KCNK13: variants seen among roughly 807,000 people sequenced by gnomAD.
KCNK13 encodes potassium two pore domain channel subfamily K member 13, also known as potassium channel subfamily K member 13.
KCNK13 carries 12 observed loss-of-function variants against 23.4 expected under a neutral mutation model. That is an observed-to-expected ratio of 0.51 (90% CI 0.33 to 0.83). The LOEUF is 0.83. Among genes scored for constraint, KCNK13 ranks in the 40% least tolerant of loss-of-function variants. The probability of loss-of-function intolerance (pLI) is 0.02; values close to 1 mark genes in which losing one functional copy is unlikely to be tolerated. For missense variants in KCNK13, 463 were observed against 556.3 expected, an observed-to-expected ratio of 0.83 and a Z score of 1.69; for synonymous variants, 231 against 229.5, an observed-to-expected ratio of 1.01 and a Z score of -0.06.
In KCNK13 at chr14:90,136,878, C is replaced by T. The variant is rs555171802; in HGVS notation, c.335-47233C>T. Among the ~76,000 whole-genome samples, 17 of 152,210 alleles carry T rather than the reference C, an allele frequency of 1.1e-4. No homozygotes were observed. The East Asian group carries it at 2.9e-3, about 26-fold the overall frequency. ...TTTGGATGGCAAAAGGTTACCCCCA[C>T]GAAGGTCTTTAAAGTCTCAAGGTGA... On this transcript the variant is annotated intron_variant, in intron 1 of 1. Transcript: ENST00000282146.
At chr14:90,092,064 GGT>G (rs1566949981) in intron 1 of KCNK13, among the ~76,000 whole-genome samples, 4 of 151,712 alleles carry the variant, frequency 2.6e-5, no homozygotes, top group Admixed American at 1.3e-4. Context: ...TGGGACTACA[GGT>G]GCCCGCCACC....
chr14:90,159,385 C>G (rs755717344), intron 1 of KCNK13, among the ~76,000 whole-genome samples: 12 of 152,232 alleles, frequency 7.9e-5, no homozygotes, highest in African/African-American at 2.7e-4. Flanking sequence ...TGCCTGTCCT[C>G]TCTTTCCAGG....
intron 1 of KCNK13, among the ~76,000 whole-genome samples, chr14:90,170,630 T>A (rs1389072358): frequency 6.6e-6 from 1 of 152,200 alleles, no homozygotes; most frequent in Non-Finnish European, 1.5e-5. Context: ...AAGGGCGGGA[T>A]ATTGAGAAGT....
chr14:90,112,976 T>A (rs1889633389), intron 1 of KCNK13, among the ~76,000 whole-genome samples: 1 of 151,446 alleles, frequency 6.6e-6, no homozygotes, highest in African/African-American at 2.4e-5. Flanking sequence ...GGCAGTGGTG[T>A]CATCACAGCT....
intron 1 of KCNK13, among the ~76,000 whole-genome samples, chr14:90,139,254 G>A (rs80089605): frequency 0.1 from 15,172 of 152,232 alleles, 1,060 homozygotes; most frequent in Admixed American, 0.25. Context: ...GCTGGGGAGC[G>A]GGGCAGGCTA....
At chr14:90,064,823 G>T (rs1012496712) in intron 1 of KCNK13, among the ~76,000 whole-genome samples, 3 of 152,116 alleles carry the variant, frequency 2.0e-5, no homozygotes, top group Non-Finnish European at 4.4e-5. Flanking sequence ...ACTAATTGTT[G>T]TAATAACAGC....
intron 1 of KCNK13, among the ~76,000 whole-genome samples, chr14:90,136,403 G>A (rs1278906151): frequency 6.6e-6 from 1 of 151,992 alleles, no homozygotes; most frequent in Non-Finnish European, 1.5e-5. Flanking sequence ...AATAAATCCT[G>A]AGTCCAAGTG....
intron 1 of KCNK13, among the ~76,000 whole-genome samples, chr14:90,109,013 A>G (rs1423407564): frequency 2.0e-5 from 3 of 152,022 alleles, no homozygotes; most frequent in African/African-American, 7.2e-5. Flanking sequence ...CGTCTCTACT[A>G]AAAATACAAA....
chr14:90,148,507 G>A (rs546456225), intron 1 of KCNK13, among the ~76,000 whole-genome samples: 10 of 152,214 alleles, frequency 6.6e-5, no homozygotes, highest in African/African-American at 2.4e-4. Context: ...GCTGAGCAAG[G>A]TTCCACAGAG....
chr14:90,173,691 G>A (rs1201552466), intron 1 of KCNK13, among the ~76,000 whole-genome samples: 2 of 152,048 alleles, frequency 1.3e-5, no homozygotes, highest in African/African-American at 4.8e-5. Context: ...TGCAAGCAAG[G>A]GAAAATTTCA....
chr14:90,131,849 G>T (rs1303236977), intron 1 of KCNK13, among the ~76,000 whole-genome samples: 1 of 152,236 alleles, frequency 6.6e-6, no homozygotes, highest in East Asian at 1.9e-4. Flanking sequence ...GTAAAATGGT[G>T]CAACGGCTAC....
At chr14:90,065,308 T>C (rs1888995226) in intron 1 of KCNK13, among the ~76,000 whole-genome samples, 1 of 152,098 alleles carries the variant, frequency 6.6e-6, no homozygotes, top group Non-Finnish European at 1.5e-5. Context: ...AAAATACAAA[T>C]AAAACTTCAG....
intron 1 of KCNK13, among the ~76,000 whole-genome samples, chr14:90,078,432 AAAG>A (rs1451207083): frequency 4.6e-5 from 7 of 151,150 alleles, no homozygotes; most frequent in Admixed American, 2.0e-4. Flanking sequence ...AAAAAAAAAG[AAAG>A]AAAAAAAAGA....
At chr14:90,078,205 A>G (rs1889162701) in intron 1 of KCNK13, among the ~76,000 whole-genome samples, 2 of 152,230 alleles carry the variant, frequency 1.3e-5, no homozygotes, top group South Asian at 2.1e-4. Context: ...CAGATCACCT[A>G]AGTCAGGAGT....
chr14:90,127,430 T>C (rs908345370), intron 1 of KCNK13, among the ~76,000 whole-genome samples: 1 of 147,700 alleles, frequency 6.8e-6, no homozygotes, highest in Non-Finnish European at 1.5e-5. Context: ...TTGGGTAATT[T>C]AAAGGTAAAA....
At chr14:90,109,389 G>A (rs1244331445) in intron 1 of KCNK13, among the ~76,000 whole-genome samples, 2 of 150,610 alleles carry the variant, frequency 1.3e-5, no homozygotes, top group Non-Finnish European at 2.9e-5. Flanking sequence ...TGTACAGGAT[G>A]CAGGACTTCC....
At chr14:90,086,690 C>T (rs1286899) in intron 1 of KCNK13, among the ~76,000 whole-genome samples, 37,466 of 151,932 alleles carry the variant, frequency 0.25, 4,992 homozygotes, top group Non-Finnish European at 0.3. Flanking sequence ...CCCTGCTTAT[C>T]TCCTTAGAAC....
chr14:90,119,333 G>A (rs1305049861), intron 1 of KCNK13, among the ~76,000 whole-genome samples: 1 of 151,976 alleles, frequency 6.6e-6, no homozygotes, highest in Non-Finnish European at 1.5e-5. Context: ...TGGCAGAGAT[G>A]CAACAAAAAA....
chr14:90,151,809 T>TA (rs1890136771), intron 1 of KCNK13, among the ~76,000 whole-genome samples: 1 of 152,202 alleles, frequency 6.6e-6, no homozygotes, highest in Non-Finnish European at 1.5e-5. Flanking sequence ...TTATGTATGG[T>TA]ATAAGGGTCC....
Sources: gnomAD v4.1 joint callset for allele counts (sites outside exome capture counted in the v4.1 genomes callset) on GRCh38, gnomAD v4.1.1 for gene constraint, MANE v1.5 for transcripts, NCBI Gene and HGNC (gene_info 2026-07-23, HGNC 2026-07-21) for gene names.